The following LYPLA1 variants were observed in gnomAD, a reference collection of about 807,000 sequenced individuals.
LYPLA1 encodes the protein lysophospholipase 1, also known as acyl-protein thioesterase 1.
Under a neutral mutation model 34.0 loss-of-function variants are expected in LYPLA1, and 17 were observed. The observed-to-expected ratio is 0.50, with a 90% CI of 0.34 to 0.75. The LOEUF (loss-of-function observed/expected upper bound fraction) is 0.75. Ranked by LOEUF, LYPLA1 falls within the 30% of genes least tolerant of loss-of-function variation. The pLI is 0.01. For synonymous variants in LYPLA1, 98 were observed against 100.8 expected (o/e 0.97, Z 0.17); for missense variants, 203 against 288.8 (o/e 0.70, Z 2.15).
At chr8:54,101,629 A>T in intron 1 of LYPLA1, 126 bp downstream of exon 1, 1 of 1,138,828 alleles carries the variant, frequency 8.8e-7, no homozygotes, top group Non-Finnish European at 1.1e-6. Flanking sequence ...TTCGCACCCC[A>T]CCCGGGCCGG....
rs1323799369 is a variant in LYPLA1 at position 54,062,112 on chromosome 8, C to T, written c.286+142G>A. On this transcript the variant is annotated intron_variant, in intron 5 of 8. Transcript: ENST00000316963. ...CCTTCAGGTGACCCACCCGCCTCTA[C>T]TTCCCAAAGTACTGGGATTACAGGC... 6.9e-6 allele frequency: 4 copies of T among 577,334 alleles called. No homozygotes were observed. In the Middle Eastern group the frequency reaches 8.5e-4, roughly 122 times the overall value. 35.8% of individuals were successfully genotyped at this position (577,334 alleles called of 1,614,324 possible). A position where few individuals can be genotyped will look rare whatever the true frequency, so the allele number is the denominator to read the frequency against.
Position 54,060,884 on chromosome 8 carries a change from G to A in LYPLA1, c.286+1370C>T, listed in dbSNP as rs371411807. ...ATTTTTTTGTATTTTTAGTAGAGAC[G>A]GGGTTTCACCATGTTGGCCAGGCTG... On this transcript the variant is annotated intron_variant, in intron 5 of 8. Transcript: ENST00000316963. 6.5e-4 allele frequency among the ~76,000 whole-genome samples: 99 copies of A among 151,590 alleles called. 1 individual carries two copies. The East Asian group carries it at 0.015, about 23-fold the overall frequency.
rs143237944 is a variant in LYPLA1, at chr8:54,065,185, T to C, written c.167+563A>G. 7.2e-5 allele frequency among the ~76,000 whole-genome samples: 11 copies of C among 152,316 alleles called. No individual in the cohort carries two copies. The East Asian group carries it at 7.7e-4, about 11-fold the overall frequency. On this transcript the variant is annotated intron_variant, in intron 3 of 8. Transcript: ENST00000316963. The stretch of plus-strand genomic sequence containing the variant: ...ACCCTAGGGATATCCTAGAACTTTA[T>C]AGATATTTGTATATCTAAGATAATT...
chr8:54,073,071 A>G (rs911236384), intron 2 of LYPLA1: 8 of 570,924 alleles, frequency 1.4e-5, no homozygotes, highest in South Asian at 1.4e-4. Context: ...GCTATCATCA[A>G]AAAGTCAAAA....
At chr8:54,093,040 G>C (rs1347622611) in intron 2 of LYPLA1, among the ~76,000 whole-genome samples, 1 of 151,902 alleles carries the variant, frequency 6.6e-6, no homozygotes, top group African/African-American at 2.4e-5. Context: ...AACTAGACAA[G>C]AAAAAAAATG....
chr8:54,055,152 T>G lies in LYPLA1; in HGVS notation c.287-19A>C. 6.8e-7 allele frequency: 1 copy of G among 1,478,550 alleles called. No individual in the cohort carries two copies. Among genetic ancestry groups the G allele is most frequent in the Non-Finnish European group, 9.4e-7 (1 of 1,058,886 alleles). 91.6% of individuals were successfully genotyped at this position (1,478,550 alleles called of 1,614,324 possible). A position where few individuals can be genotyped will look rare whatever the true frequency, so the allele number is the denominator to read the frequency against. Reference sequence around the variant, plus strand: ...GCTTTTACTAAAAACAACATGAAAGTTAGTCAGCAATACTTTCAGAGTTAA... The same window carrying G: ...GCTTTTACTAAAAACAACATGAAAGGTAGTCAGCAATACTTTCAGAGTTAA... On this transcript the variant is annotated intron_variant, in intron 5 of 8. Transcript: ENST00000316963.
At chr8:54,069,043 C>T (rs1183176012) in intron 2 of LYPLA1, among the ~76,000 whole-genome samples, 1 of 151,828 alleles carries the variant, frequency 6.6e-6, no homozygotes, top group Non-Finnish European at 1.5e-5. Flanking sequence ...TACAAATGGC[C>T]AAAAAGCACA....
At chr8:54,094,312 G>C (rs1216792608) in intron 2 of LYPLA1, among the ~76,000 whole-genome samples, 3 of 152,098 alleles carry the variant, frequency 2.0e-5, no homozygotes, top group African/African-American at 7.2e-5. Context: ...CCCTTAATTG[G>C]AACTGAGCTT....
chr8:54,045,289 A>G (rs1805450447), downstream of LYPLA1, among the ~76,000 whole-genome samples: 1 of 152,244 alleles, frequency 6.6e-6, no homozygotes, highest in Non-Finnish European at 1.5e-5. Flanking sequence ...AACTATTTAT[A>G]CTTTCAAAAT....
chr8:54,061,739 G>A (rs972313540), intron 5 of LYPLA1, among the ~76,000 whole-genome samples: 5 of 152,152 alleles, frequency 3.3e-5, no homozygotes, highest in East Asian at 1.9e-4. Flanking sequence ...CTTTGATCAC[G>A]CCACTGCATT....
intron 3 of LYPLA1, 125 bp from the exon 4 acceptor site, chr8:54,063,500 TG>T: frequency 1.5e-6 from 1 of 681,568 alleles, no homozygotes; most frequent in Non-Finnish European, 2.6e-6. Flanking sequence ...TTTTAACATA[TG>T]AACTGTTTTA....
chr8:54,100,849 A>G (rs937574014), intron 2 of LYPLA1, 59 bp downstream of exon 2: 1 of 1,399,650 alleles, frequency 7.1e-7, no homozygotes, highest in Non-Finnish European at 1.0e-6. Flanking sequence ...TTGAACGCGT[A>G]AACAAAAGTT....
chr8:54,044,914 C>G (rs1805442897), downstream of LYPLA1: 1 of 152,090 alleles, frequency 6.6e-6, no homozygotes, highest in Non-Finnish European at 1.5e-5. Context: ...TTATGGTGAG[C>G]TGATTTGTAT....
intron 5 of LYPLA1, among the ~76,000 whole-genome samples, chr8:54,055,645 AT>A (rs201781407): frequency 0.01 from 1,455 of 142,012 alleles, 5 homozygotes; most frequent in East Asian, 0.024. Context: ...AATCCTAATT[AT>A]TTTTTTTTTT....
chr8:54,045,783 G>A (rs947598056), downstream of LYPLA1, among the ~76,000 whole-genome samples: 5 of 152,134 alleles, frequency 3.3e-5, no homozygotes, highest in South Asian at 4.1e-4. Context: ...GAAAAAGACC[G>A]GGCACAGTGG....
At chr8:54,053,618 A>G (rs1405894005) in intron 6 of LYPLA1, 7 of 456,220 alleles carry the variant, frequency 1.5e-5, no homozygotes, top group Middle Eastern at 3.3e-4. Flanking sequence ...TTCTCCTGGC[A>G]CTGTGGAAAT....
chr8:54,064,701 T>A (rs926781902), intron 3 of LYPLA1, among the ~76,000 whole-genome samples: 1 of 152,220 alleles, frequency 6.6e-6, no homozygotes, highest in Non-Finnish European at 1.5e-5. Flanking sequence ...TCTTGTCTTC[T>A]CCATGGTTAT....
rs1228295677 is a variant in LYPLA1 at position 54,101,704 on chromosome 8, A to AC, written c.69+50dup. 3.2e-6 allele frequency: 4 copies of AC among 1,249,308 alleles called. No individual in the cohort carries two copies. The African/African-American group carries it at 6.3e-5, about 20-fold the overall frequency. The allele number at this position is 1,249,308 out of a possible 1,614,324, so 77.4% of individuals were successfully genotyped here. The stretch of plus-strand genomic sequence containing the variant: ...CGCCCACCCCGCGCGAGGGGCAACC[A>AC]CCGGTGGCCGGCCCAGTGGACCCCT... On this transcript the variant is annotated intron_variant, in intron 1 of 8. Transcript: ENST00000316963.
At chr8:54,072,774 T>A (rs931720080) in intron 2 of LYPLA1, among the ~76,000 whole-genome samples, 2 of 150,808 alleles carry the variant, frequency 1.3e-5, no homozygotes, top group Admixed American at 1.3e-4. Context: ...AGGTCAGGAG[T>A]TCGAGACCAA....
Sources: allele counts gnomAD v4.1 joint callset (sites outside exome capture counted in the v4.1 genomes callset), GRCh38; gene constraint gnomAD v4.1.1; transcripts MANE v1.5; gene names NCBI Gene and HGNC (gene_info 2026-07-23, HGNC 2026-07-21).